Variants in ATOSA observed in about 807,000 individuals in gnomAD.
The protein encoded by ATOSA is atos homolog A.
At chr15:52,651,622 TTTC>T in the ATOSA span, among the ~76,000 whole-genome samples, 1 of 152,244 alleles carries the variant, frequency 6.6e-6, no homozygotes, top group Non-Finnish European at 1.5e-5. Context: ...TTGTACTTGG[TTTC>T]TTTTCTTCCT....
the ATOSA span, among the ~76,000 whole-genome samples, chr15:52,708,958 G>C: frequency 6.6e-6 from 1 of 152,238 alleles, no homozygotes; most frequent in Admixed American, 6.5e-5. Flanking sequence ...AGCCCAGTCA[G>C]GTAACACAAT....
the ATOSA span, among the ~76,000 whole-genome samples, chr15:52,702,743 T>C: frequency 8.1e-6 from 1 of 123,822 alleles, no homozygotes; most frequent in African/African-American, 3.2e-5. Flanking sequence ...TGTACATGTA[T>C]CCCCTGAGTC....
the ATOSA span, among the ~76,000 whole-genome samples, chr15:52,632,176 G>A: frequency 2.3e-4 from 35 of 152,312 alleles, no homozygotes; most frequent in African/African-American, 8.2e-4. Context: ...TCATGATACT[G>A]TTCAAAAGTT....
chr15:52,682,415 TAAG>T, the ATOSA span, among the ~76,000 whole-genome samples: 3 of 152,072 alleles, frequency 2.0e-5, no homozygotes, highest in South Asian at 2.1e-4. Context: ...AATGTCCTGA[TAAG>T]AAGGAGAGGT....
At chr15:52,694,917 T>TC in the ATOSA span, among the ~76,000 whole-genome samples, 1 of 150,266 alleles carries the variant, frequency 6.7e-6, no homozygotes, top group South Asian at 2.1e-4. Context: ...TTTTTTTTTT[T>TC]CTGTTTTTTT....
At chr15:52,653,046 G>A in the ATOSA span, among the ~76,000 whole-genome samples, 1 of 152,190 alleles carries the variant, frequency 6.6e-6, no homozygotes, top group Non-Finnish European at 1.5e-5. Context: ...AACGTTTAAA[G>A]CAATGGAACT....
At chr15:52,679,507 T>C in the ATOSA span, 2 of 152,102 alleles carry the variant, frequency 1.3e-5, no homozygotes, top group Non-Finnish European at 2.9e-5. Flanking sequence ...CCCGGGGCGC[T>C]AGTTTGGGGC....
the ATOSA span, among the ~76,000 whole-genome samples, chr15:52,664,343 C>T: frequency 1.3e-5 from 2 of 152,212 alleles, no homozygotes; most frequent in Non-Finnish European, 2.9e-5. Flanking sequence ...TTAGGGAATA[C>T]TGGCCCTGTA....
At chr15:52,628,023 G>T in the ATOSA span, among the ~76,000 whole-genome samples, 1 of 152,092 alleles carries the variant, frequency 6.6e-6, no homozygotes, top group Admixed American at 6.6e-5. Context: ...TGAATGATTA[G>T]GACAACTAGA....
the ATOSA span, among the ~76,000 whole-genome samples, chr15:52,708,242 C>T: frequency 2.6e-5 from 4 of 152,196 alleles, no homozygotes; most frequent in Admixed American, 2.6e-4. Flanking sequence ...ACTCTCCTCT[C>T]TCACAGCAGA....
chr15:52,662,016 G>A, the ATOSA span, among the ~76,000 whole-genome samples: 1 of 149,208 alleles, frequency 6.7e-6, no homozygotes, highest in African/African-American at 2.5e-5. Context: ...CAAAATTATC[G>A]AATCTAATCT....
the ATOSA span, among the ~76,000 whole-genome samples, chr15:52,663,872 C>G: frequency 6.6e-6 from 1 of 152,064 alleles, no homozygotes; most frequent in African/African-American, 2.4e-5. Flanking sequence ...GCAATCTTCC[C>G]ACCTCGGTAA....
chr15:52,607,196 A>G, the ATOSA span, among the ~76,000 whole-genome samples: 1 of 152,142 alleles, frequency 6.6e-6, no homozygotes, highest in African/African-American at 2.4e-5. Flanking sequence ...CCAGGACTAG[A>G]ACTCAGGTGT....
chr15:52,701,900 G>C, the ATOSA span, among the ~76,000 whole-genome samples: 3 of 152,114 alleles, frequency 2.0e-5, no homozygotes, highest in South Asian at 2.1e-4. Context: ...AGGAGTTTAA[G>C]AGTAGTCTGG....
At chr15:52,674,281 C>T in the ATOSA span, among the ~76,000 whole-genome samples, 22 of 152,040 alleles carry the variant, frequency 1.4e-4, no homozygotes, top group Non-Finnish European at 2.6e-4. Context: ...AACTTCTAAG[C>T]TCTAAGCAAT....
At chr15:52,589,540 A>AT in the ATOSA span, among the ~76,000 whole-genome samples, 6 of 90,622 alleles carry the variant, frequency 6.6e-5, no homozygotes, top group Non-Finnish European at 2.0e-4. Flanking sequence ...AAATCAATTT[A>AT]TTTAAAAAAA....
the ATOSA span, among the ~76,000 whole-genome samples, chr15:52,606,124 G>C: frequency 1.6e-4 from 24 of 152,058 alleles, no homozygotes; most frequent in Non-Finnish European, 1.6e-4. Context: ...GGCGACTACT[G>C]TACTCACAGG....
the ATOSA span, among the ~76,000 whole-genome samples, chr15:52,623,807 C>G: frequency 6.6e-6 from 1 of 152,164 alleles, no homozygotes; most frequent in Non-Finnish European, 1.5e-5. Context: ...ATGCAAAAGT[C>G]TACTTACTTA....
At chr15:52,590,343 C>T in the ATOSA span, among the ~76,000 whole-genome samples, 2 of 152,294 alleles carry the variant, frequency 1.3e-5, no homozygotes, top group East Asian at 1.9e-4. Flanking sequence ...ACACTGCAAC[C>T]GTTTCTAAAC....
Sources: allele counts gnomAD v4.1 joint callset (sites outside exome capture counted in the v4.1 genomes callset), GRCh38; gene constraint gnomAD v4.1.1; transcripts MANE v1.5; gene names NCBI Gene and HGNC (gene_info 2026-07-23, HGNC 2026-07-21).